The following ANKRD30A variants were observed in gnomAD, a reference collection of about 807,000 sequenced individuals.
The protein encoded by ANKRD30A is ankyrin repeat domain-containing protein 30A.
Under a neutral mutation model 166.3 loss-of-function variants are expected in ANKRD30A, and 170 were observed. The observed-to-expected ratio is 1.02, with a 90% CI of 0.90 to 1.16. The LOEUF is 1.16. Among genes scored for constraint, ANKRD30A ranks in the 50% most tolerant of loss-of-function variants. ANKRD30A has a pLI of 0.00. For missense variants in ANKRD30A, 1,630 were observed against 1,518.0 expected (o/e 1.07, Z -1.23); for synonymous variants, 564 against 508.9 (o/e 1.11, Z -1.46).
intron 19 of ANKRD30A, among the ~76,000 whole-genome samples, 169 bp downstream of exon 19, chr10:37,166,864 A>T (rs1205491353): frequency 6.6e-6 from 1 of 152,164 alleles, no homozygotes; most frequent in Non-Finnish European, 1.5e-5. Context: ...ATGGCAACAG[A>T]CTATATTGTG....
intron 30 of ANKRD30A, among the ~76,000 whole-genome samples, chr10:37,200,254 T>G (rs1841510464): frequency 6.6e-6 from 1 of 152,080 alleles, no homozygotes; most frequent in Non-Finnish European, 1.5e-5. Context: ...ATCTTTATTG[T>G]TCAGTATAGA....
At chr10:37,200,117 T>A (rs184792931) in intron 30 of ANKRD30A, among the ~76,000 whole-genome samples, 1 of 152,072 alleles carries the variant, frequency 6.6e-6, no homozygotes, top group Non-Finnish European at 1.5e-5. Flanking sequence ...TGGGCAAATA[T>A]ATGATTCTGT....
chr10:37,210,576 CCCA>C (rs1220184097), intron 31 of ANKRD30A, among the ~76,000 whole-genome samples: 1 of 152,142 alleles, frequency 6.6e-6, no homozygotes, highest in Non-Finnish European at 1.5e-5. Flanking sequence ...AATTTTCACT[CCCA>C]CCAACAGTGT....
At chr10:37,235,643 CTT>C (rs1400151700), downstream of ANKRD30A, among the ~76,000 whole-genome samples, 1 of 151,740 alleles carries the variant, frequency 6.6e-6, no homozygotes, top group Non-Finnish European at 1.5e-5. Flanking sequence ...ATATTTTAAA[CTT>C]ATAATATCAA....
chr10:37,154,500 G>A (rs1446805730), intron 13 of ANKRD30A, among the ~76,000 whole-genome samples: 4 of 152,140 alleles, frequency 2.6e-5, no homozygotes, highest in African/African-American at 4.8e-5. Context: ...GGAGAGAGCA[G>A]TATGGTGTTC....
rs1353243412 is a variant in ANKRD30A at position 37,231,559 on chromosome 10, T to C, written c.*90T>C. 1.9e-6 allele frequency: 2 copies of C among 1,071,644 alleles called. No homozygotes were observed. Among genetic ancestry groups the C allele is most frequent in the Non-Finnish European group, 2.7e-6 (2 of 753,472 alleles). The allele number at this position is 1,071,644 out of a possible 1,614,324, so 66.4% of individuals were successfully genotyped here. On this transcript the variant is annotated 3_prime_UTR_variant, in exon 35 of 36. Coordinates refer to ENST00000361713, the MANE Select transcript of ANKRD30A (RefSeq NM_052997.3). ...CTAGGAGGCCAGTCCTAGCATCACC[T>C]TATGTTGAAAATCTTACCAATAGTC...
At chr10:37,133,895 G>A (rs780814245) in intron 4 of ANKRD30A, 21 bp from the exon 5 acceptor site, 6 of 1,612,484 alleles carry the variant, frequency 3.7e-6, no homozygotes, top group Non-Finnish European at 5.1e-6. Context: ...TAATAATGAA[G>A]TTATCTCTTT....
At chr10:37,133,551 C>G (rs1836500253) in intron 4 of ANKRD30A, among the ~76,000 whole-genome samples, 1 of 152,168 alleles carries the variant, frequency 6.6e-6, no homozygotes. Flanking sequence ...TTGTTTTAAG[C>G]CTTCAGATTG....
chr10:37,248,150 A>G, the ANKRD30A span: 5 of 626,668 alleles, frequency 8.0e-6, no homozygotes, highest in African/African-American at 3.7e-5. Flanking sequence ...TCACTCTGGG[A>G]GTCTTCCAGA....
downstream of ANKRD30A, among the ~76,000 whole-genome samples, chr10:37,237,499 TG>T (rs1408536735): frequency 2.6e-5 from 4 of 152,200 alleles, no homozygotes; most frequent in Non-Finnish European, 5.9e-5. Context: ...TAGATTTCTA[TG>T]GGACATCGTT....
intron 31 of ANKRD30A, among the ~76,000 whole-genome samples, chr10:37,207,929 T>G (rs1056544431): frequency 3.3e-5 from 5 of 152,076 alleles, no homozygotes; most frequent in African/African-American, 4.8e-5. Flanking sequence ...CTGAGTCAAT[T>G]AAAGAAAGTA....
chr10:37,146,315 A>T (rs1837508401), intron 8 of ANKRD30A, among the ~76,000 whole-genome samples: 1 of 152,266 alleles, frequency 6.6e-6, no homozygotes, highest in Admixed American at 6.5e-5. Context: ...TACCTAAATA[A>T]AGCAGCTTCT....
At chr10:37,256,573 T>C in the ANKRD30A span, among the ~76,000 whole-genome samples, 1 of 152,222 alleles carries the variant, frequency 6.6e-6, no homozygotes, top group Non-Finnish European at 1.5e-5. Context: ...TAAAATAGAC[T>C]GTAAGTAAAC....
downstream of ANKRD30A, among the ~76,000 whole-genome samples, chr10:37,236,452 A>G (rs769970644): frequency 6.6e-6 from 1 of 152,194 alleles, no homozygotes; most frequent in African/African-American, 2.4e-5. Context: ...ATGACAGTCA[A>G]CGCAAACTCA....
chr10:37,212,600 G>A (rs989542798), intron 31 of ANKRD30A, among the ~76,000 whole-genome samples: 9 of 151,960 alleles, frequency 5.9e-5, no homozygotes, highest in South Asian at 2.1e-4. Flanking sequence ...CAGGCATCAC[G>A]CTACCTGACT....
the ANKRD30A span, among the ~76,000 whole-genome samples, chr10:37,261,173 T>G: frequency 6.6e-6 from 1 of 152,212 alleles, no homozygotes; most frequent in African/African-American, 2.4e-5. Context: ...TTAGTTGACA[T>G]GATTAGATGA....
the ANKRD30A span, among the ~76,000 whole-genome samples, chr10:37,247,749 G>A: frequency 2.0e-5 from 3 of 151,538 alleles, no homozygotes. Flanking sequence ...GGGCGTGGTG[G>A]CGGGCGCCTG....
chr10:37,195,437 G>A (rs1840997017), intron 27 of ANKRD30A, among the ~76,000 whole-genome samples: 1 of 152,042 alleles, frequency 6.6e-6, no homozygotes, highest in African/African-American at 2.4e-5. Flanking sequence ...TATAAACTGT[G>A]AAAATTCTCC....
intron 3 of ANKRD30A, among the ~76,000 whole-genome samples, chr10:37,131,010 T>G (rs1836348992): frequency 6.6e-6 from 1 of 152,144 alleles, no homozygotes; most frequent in Non-Finnish European, 1.5e-5. Context: ...ATTAATTCAT[T>G]AATAATGGGG....
Sources: gnomAD v4.1 joint callset for allele counts (sites outside exome capture counted in the v4.1 genomes callset) on GRCh38, gnomAD v4.1.1 for gene constraint, MANE v1.5 for transcripts, NCBI Gene and HGNC (gene_info 2026-07-23, HGNC 2026-07-21) for gene names.